The following TUT4 variants were observed in gnomAD, a reference collection of about 807,000 sequenced individuals.
TUT4 encodes terminal uridylyltransferase 4.
A neutral mutation model predicts 192.2 loss-of-function variants in TUT4; 36 were observed. The ratio of observed to expected loss-of-function variants is 0.19; its 90% CI spans 0.14 to 0.25. TUT4 has a LOEUF of 0.25. Among genes scored for constraint, TUT4 ranks in the 10% least tolerant of loss-of-function variants. TUT4 has a pLI of 1.00. For synonymous variants in TUT4, 618 were observed against 666.0 expected, an observed-to-expected ratio of 0.93 and a Z score of 1.11; for missense variants, 1,493 against 1,957.2, an observed-to-expected ratio of 0.76 and a Z score of 4.47.
chr1:52,444,246 A>T (rs1192759861), intron 24 of TUT4, among the ~76,000 whole-genome samples: 1 of 152,214 alleles, frequency 6.6e-6, no homozygotes, highest in African/African-American at 2.4e-5. Flanking sequence ...AAAAGAAAAA[A>T]AAATTGTTTG....
At chr1:52,537,535 G>C (rs1487760379) in intron 1 of TUT4, among the ~76,000 whole-genome samples, 1 of 152,168 alleles carries the variant, frequency 6.6e-6, no homozygotes, top group African/African-American at 2.4e-5. Context: ...TCATACTTAG[G>C]AGACTTCAAT....
At chr1:52,544,864 C>G (rs940061011) in intron 1 of TUT4, among the ~76,000 whole-genome samples, 3 of 151,946 alleles carry the variant, frequency 2.0e-5, no homozygotes, top group Admixed American at 2.0e-4. Flanking sequence ...CAAGGCCAGC[C>G]TATGCAACAT....
chr1:52,482,001 C>T, intron 9 of TUT4, 78 bp from the exon 10 acceptor site: 1 of 1,230,354 alleles, frequency 8.1e-7, no homozygotes, highest in Non-Finnish European at 1.1e-6. Context: ...CTTTTTCCTA[C>T]CCTAATCATT....
intron 20 of TUT4, among the ~76,000 whole-genome samples, chr1:52,456,766 T>C (rs1196102603): frequency 2.0e-5 from 3 of 152,184 alleles, no homozygotes; most frequent in Non-Finnish European, 4.4e-5. Context: ...CATATATTGA[T>C]GTATCATTGA....
intron 1 of TUT4, among the ~76,000 whole-genome samples, chr1:52,548,639 C>G (rs1688667667): frequency 6.6e-6 from 1 of 152,190 alleles, no homozygotes; most frequent in Admixed American, 6.5e-5. Context: ...TAAGTTAACA[C>G]TTCAAAGATC....
chr1:52,495,083 C>G (rs1672125042), intron 6 of TUT4, among the ~76,000 whole-genome samples: 1 of 152,104 alleles, frequency 6.6e-6, no homozygotes, highest in South Asian at 2.1e-4. Flanking sequence ...GTTCAAGCAA[C>G]TTGCTTATCA....
At chr1:52,447,390 A>AG (rs748324063) in intron 20 of TUT4, among the ~76,000 whole-genome samples, 5 of 151,846 alleles carry the variant, frequency 3.3e-5, no homozygotes, top group Admixed American at 6.6e-5. Flanking sequence ...CAGAGGTTGC[A>AG]GTCAGCCGAG....
intron 1 of TUT4, among the ~76,000 whole-genome samples, chr1:52,546,987 CA>C (rs36097628): frequency 1.3e-5 from 2 of 151,208 alleles, no homozygotes; most frequent in African/African-American, 2.4e-5. Flanking sequence ...ATAAATCAAT[CA>C]AAAAAATTAG....
rs1402949621 is a variant in TUT4 at position 52,552,504 on chromosome 1, C to G, written c.-94+427G>C. The stretch of plus-strand genomic sequence containing the variant: ...ACATTTATATACATTATGTAGTCAC[C>G]TATGTCTAAGCAAGGGTGAAAGAAA... On this transcript the variant is annotated intron_variant, in intron 1 of 29. Transcript: ENST00000257177. Among the ~76,000 whole-genome samples, 3 of 152,192 alleles carry G rather than the reference C, an allele frequency of 2.0e-5. No homozygotes were observed. The East Asian group carries it at 5.8e-4, about 29-fold the overall frequency.
In TUT4 at chr1:52,525,573, C is replaced by T. The variant is rs561083592; in HGVS notation, c.708G>A (p.Ser236=). The T allele has an allele frequency of 1.4e-4, 231 of 1,606,316 alleles. No homozygotes were observed. The highest frequency in any genetic ancestry group is 4.3e-4 in the African/African-American group (32 of 74,762). ...CAAAAAATGACTTACTTAAATCGTC[C>T]GATACGTCTTCAATTCCTGAAGCAC... ...DDSASGIEDV[S]DDLSKMKNDE... The change falls in exon 2 of 30, where the codon TCG becomes TCA. Residue 236 remains serine, a synonymous_variant. Transcript: ENST00000257177.
chr1:52,471,120 G>A (rs764813358), intron 14 of TUT4, among the ~76,000 whole-genome samples: 2 of 147,922 alleles, frequency 1.4e-5, no homozygotes, highest in Non-Finnish European at 3.0e-5. Context: ...AGGTCCAAGC[G>A]ATTCTCCTGC....
intron 4 of TUT4, 135 bp downstream of exon 4, chr1:52,509,461 G>T: frequency 1.6e-6 from 1 of 620,546 alleles, no homozygotes; most frequent in Non-Finnish European, 2.8e-6. Context: ...GGCAACAATT[G>T]CTTCCAAAGC....
At chr1:52,429,082 GTTT>G (rs1195739562) in intron 28 of TUT4, among the ~76,000 whole-genome samples, 2 of 131,404 alleles carry the variant, frequency 1.5e-5, no homozygotes, top group Non-Finnish European at 1.6e-5. Context: ...TCCATAATAG[GTTT>G]TTTTTTTTTT....
intron 1 of TUT4, among the ~76,000 whole-genome samples, chr1:52,526,969 A>G (rs953423294): frequency 1.3e-5 from 2 of 152,226 alleles, no homozygotes; most frequent in East Asian, 1.9e-4. Context: ...GGTTGCAGTG[A>G]GCCAAGATCA....
intron 16 of TUT4, chr1:52,462,166 G>GA (rs1662743534): frequency 6.7e-6 from 1 of 150,010 alleles, no homozygotes; most frequent in African/African-American, 2.5e-5. Context: ...GACAAACCTG[G>GA]ATTCAAATCT....
intron 19 of TUT4, 70 bp downstream of exon 19, chr1:52,461,064 A>C: frequency 7.4e-7 from 1 of 1,349,346 alleles, no homozygotes; most frequent in East Asian, 2.3e-5. Context: ...ATTTTTCACA[A>C]ATCTGACATT....
intron 1 of TUT4, among the ~76,000 whole-genome samples, chr1:52,544,831 A>G (rs1216648852): frequency 6.6e-6 from 1 of 151,396 alleles, no homozygotes; most frequent in East Asian, 1.9e-4. Context: ...CCCAGCCAGG[A>G]GGATCACTTG....
At chr1:52,552,311 T>TA in intron 1 of TUT4, among the ~76,000 whole-genome samples, 1 of 152,166 alleles carries the variant, frequency 6.6e-6, no homozygotes, top group Middle Eastern at 3.4e-3. Context: ...TGTTTACAAA[T>TA]ACGAATCTCA....
At chr1:52,537,264 G>A (rs1005878268) in intron 1 of TUT4, among the ~76,000 whole-genome samples, 4 of 152,084 alleles carry the variant, frequency 2.6e-5, no homozygotes, top group African/African-American at 9.7e-5. Context: ...GATACAAAGA[G>A]CAAAGGCGTT....
Sources: gnomAD v4.1 joint callset for allele counts (sites outside exome capture counted in the v4.1 genomes callset) on GRCh38, gnomAD v4.1.1 for gene constraint, MANE v1.5 for transcripts, NCBI Gene and HGNC (gene_info 2026-07-23, HGNC 2026-07-21) for gene names.